Variants in ARHGEF18 observed in about 807,000 individuals in gnomAD.
ARHGEF18 encodes the protein Rho/Rac guanine nucleotide exchange factor 18.
Under a neutral mutation model 155.7 loss-of-function variants are expected in ARHGEF18, and 93 were observed. The observed-to-expected ratio is 0.60, with a 90% CI of 0.50 to 0.71. ARHGEF18 has a LOEUF of 0.71. Among genes scored for constraint, ARHGEF18 ranks in the 30% least tolerant of loss-of-function variants. ARHGEF18 has a pLI of 0.00. For synonymous variants in ARHGEF18, 742 were observed against 753.1 expected (o/e 0.99, Z 0.24); for missense variants, 1,593 against 1,816.1 (o/e 0.88, Z 2.23).
intron 17 of ARHGEF18, among the ~76,000 whole-genome samples, chr19:7,455,904 A>G (rs1198184319): frequency 2.0e-5 from 3 of 152,194 alleles, no homozygotes; most frequent in African/African-American, 7.2e-5. Context: ...ACGGCATGGA[A>G]AAGATCTGCC....
chr19:7,353,651 A>AT lies in ARHGEF18; in HGVS notation c.-111+4417dup, dbSNP rs1219580706. Among the ~76,000 whole-genome samples the AT allele has an allele frequency of 7.3e-5, 11 of 151,514 alleles. No homozygotes were observed. In the East Asian group the frequency reaches 2.2e-3, roughly 30 times the overall value. On this transcript the variant is annotated intron_variant, in intron 1 of 28. Coordinates refer to ENST00000668164, the MANE Select transcript of ARHGEF18 (RefSeq NM_001367823.1). ...AAAAAGAAATAGATATCCCTGTTGT[A>AT]TTTTTTTAAAGTGAGATTTAGCCAG...
chr19:7,432,914 C>T (rs1264309244), intron 10 of ARHGEF18, among the ~76,000 whole-genome samples: 1 of 152,250 alleles, frequency 6.6e-6, no homozygotes, highest in Non-Finnish European at 1.5e-5. Context: ...AATCCCAGCA[C>T]TTTGGGAAGT....
intron 4 of ARHGEF18, among the ~76,000 whole-genome samples, chr19:7,376,324 T>C (rs1256931265): frequency 6.6e-6 from 1 of 152,152 alleles, no homozygotes; most frequent in Non-Finnish European, 1.5e-5. Context: ...GGCTGGTGGC[T>C]GAGACATCTT....
chr19:7,363,653 G>A (rs140647400), intron 2 of ARHGEF18, among the ~76,000 whole-genome samples: 86 of 152,042 alleles, frequency 5.7e-4, no homozygotes, highest in African/African-American at 2.0e-3. Flanking sequence ...ATGAAGGAAG[G>A]ATGGATGGAT....
At chr19:7,454,271 G>A (rs1335578303) in intron 17 of ARHGEF18, among the ~76,000 whole-genome samples, 1 of 152,042 alleles carries the variant, frequency 6.6e-6, no homozygotes, top group Non-Finnish European at 1.5e-5. Context: ...TCTTGGATTG[G>A]TGGCACAGTC....
intron 10 of ARHGEF18, among the ~76,000 whole-genome samples, chr19:7,427,640 G>A (rs1283934884): frequency 2.9e-5 from 4 of 140,144 alleles, no homozygotes; most frequent in Non-Finnish European, 4.6e-5. Flanking sequence ...GGGAGACCCT[G>A]TCTCTAAAAA....
At chr19:7,381,709 A>G (rs1333834166) in intron 8 of ARHGEF18, among the ~76,000 whole-genome samples, 1 of 151,096 alleles carries the variant, frequency 6.6e-6, no homozygotes, top group African/African-American at 2.4e-5. Context: ...AAATAAATAA[A>G]TAAATAAATA....
intron 10 of ARHGEF18, among the ~76,000 whole-genome samples, chr19:7,385,009 A>G (rs1203800459): frequency 1.3e-5 from 2 of 152,140 alleles, no homozygotes; most frequent in Non-Finnish European, 2.9e-5. Context: ...CCAAATCTTC[A>G]GTGCACCAAC....
At chr19:7,429,942 A>T (rs11667743) in intron 10 of ARHGEF18, among the ~76,000 whole-genome samples, 10 of 151,264 alleles carry the variant, frequency 6.6e-5, no homozygotes, top group South Asian at 4.2e-4. Context: ...TTTTTTTTTT[A>T]AATCGACTTG....
At chr19:7,474,756 T>C (rs551041243), downstream of ARHGEF18, among the ~76,000 whole-genome samples, 1 of 144,222 alleles carries the variant, frequency 6.9e-6, no homozygotes, top group Non-Finnish European at 1.5e-5. Context: ...GGCATTGGAG[T>C]GTGTGTGTGT....
chr19:7,376,875 C>A, intron 5 of ARHGEF18, 118 bp downstream of exon 5: 1 of 699,612 alleles, frequency 1.4e-6, no homozygotes, highest in Non-Finnish European at 2.0e-6. Context: ...CTTGGTGGGG[C>A]TCCAGATGGG....
At chr19:7,450,918 TGCAGGATCTTGC>T in intron 15 of ARHGEF18, among the ~76,000 whole-genome samples, 1 of 20,186 alleles carries the variant, frequency 5.0e-5, no homozygotes, top group South Asian at 1.4e-3. Context: ...GAGATGTTAA[TGCAGGATCTTGC>T]TGTCCGTTTC....
At chr19:7,375,205 G>T (rs1970376395) in intron 3 of ARHGEF18, among the ~76,000 whole-genome samples, 1 of 150,498 alleles carries the variant, frequency 6.6e-6, no homozygotes, top group African/African-American at 2.5e-5. Flanking sequence ...CTGGGAGGCG[G>T]AGGTTGCAGT....
At chr19:7,350,360 G>A (rs375930357) in intron 1 of ARHGEF18, among the ~76,000 whole-genome samples, 1 of 152,180 alleles carries the variant, frequency 6.6e-6, no homozygotes, top group Admixed American at 6.5e-5. Flanking sequence ...GTCACCTGCA[G>A]TTCTGAGAAA....
chr19:7,420,427 A>G (rs1294401482), intron 10 of ARHGEF18, among the ~76,000 whole-genome samples: 1 of 151,826 alleles, frequency 6.6e-6, no homozygotes, highest in Non-Finnish European at 1.5e-5. Context: ...TAATTTTTAT[A>G]TTTCTAGTAG....
rs899542981 is a variant in ARHGEF18 at position 7,470,497 on chromosome 19, G to A, written c.*199G>A. On this transcript the variant is annotated 3_prime_UTR_variant, in exon 29 of 29. Transcript: ENST00000668164. This position sits in a 1 kb window ranked among gnomAD's most constrained non-coding sequence, Gnocchi z 5.9. ...TTTCTGTAGGGTTAGCGGTGGTGCC[G>A]GGGTCACTTTCTGAATCTCTTTTTT... 7 of 448,304 alleles carry A rather than the reference G, an allele frequency of 1.6e-5. No individual in the cohort carries two copies. The highest frequency in any genetic ancestry group is 1.2e-4 in the South Asian group (1 of 8,136). The allele number at this position is 448,304 out of a possible 1,614,324, so 27.8% of individuals were successfully genotyped here.
chr19:7,469,442 C>CGGGACAGGGACA (rs1008009759), intron 27 of ARHGEF18, among the ~76,000 whole-genome samples: 2 of 152,168 alleles, frequency 1.3e-5, no homozygotes, highest in African/African-American at 4.8e-5. Context: ...TCAGCACAGC[C>CGGGACAGGGACA]GGGACAGGGA....
intron 27 of ARHGEF18, 48 bp downstream of exon 27, chr19:7,469,179 C>T: frequency 6.6e-7 from 1 of 1,508,370 alleles, no homozygotes; most frequent in Non-Finnish European, 8.9e-7. Context: ...TGCAACTGGT[C>T]AGGCTCTAGC....
intron 17 of ARHGEF18, among the ~76,000 whole-genome samples, chr19:7,455,621 AT>A (rs1291608211): frequency 6.6e-6 from 1 of 152,144 alleles, no homozygotes; most frequent in Non-Finnish European, 1.5e-5. Flanking sequence ...CTCCGTTCAC[AT>A]CTGAGACATC....
Sources: allele counts gnomAD v4.1 joint callset (sites outside exome capture counted in the v4.1 genomes callset), GRCh38; gene constraint gnomAD v4.1.1; non-coding constraint Gnocchi (gnomAD v3.1); transcripts MANE v1.5; gene names NCBI Gene and HGNC (gene_info 2026-07-23, HGNC 2026-07-21).